ADGB: variants seen among roughly 807,000 people sequenced by gnomAD.
ADGB encodes the protein androglobin.
Under a neutral mutation model 210.5 loss-of-function variants are expected in ADGB, and 172 were observed. The ratio of observed to expected loss-of-function variants is 0.82; its 90% CI spans 0.72 to 0.93. The LOEUF (loss-of-function observed/expected upper bound fraction) is 0.93, where lower values mean the gene tolerates loss of function less well. Among genes scored for constraint, ADGB ranks in the 40% least tolerant of loss-of-function variants. The probability of loss-of-function intolerance (pLI) is 0.00; values close to 1 mark genes in which losing one functional copy is unlikely to be tolerated. For missense variants in ADGB, 2,025 were observed against 1,964.8 expected, an observed-to-expected ratio of 1.03 and a Z score of -0.58; for synonymous variants, 658 against 662.7, an observed-to-expected ratio of 0.99 and a Z score of 0.11.
At position 146,666,957 on chromosome 6, in the gene ADGB, C is replaced by T. The variant is rs1775944666; in HGVS notation, c.839+55C>T. ...TATTTTTTTTATCTTCCCAAGATTT[C>T]TTTAAAATATTCCTAGCCTTTAAGA... is the stretch of plus-strand genomic sequence containing the variant. On this transcript the variant is annotated intron_variant, in intron 7 of 35. Transcript: ENST00000397944. 5.9e-6 allele frequency: 8 copies of T among 1,346,360 alleles called. 1 individual carries two copies. The South Asian group carries it at 1.1e-4, about 18-fold the overall frequency. The allele number at this position is 1,346,360 out of a possible 1,614,324, so 83.4% of individuals were successfully genotyped here.
intron 9 of ADGB, among the ~76,000 whole-genome samples, chr6:146,685,139 T>C (rs1015028578): frequency 8.6e-5 from 13 of 152,038 alleles, no homozygotes; most frequent in African/African-American, 2.9e-4. Flanking sequence ...CAAAAAATAC[T>C]GAATAAAATA....
In ADGB at chr6:146,801,285, T is replaced by C; in HGVS notation, c.4634+6T>C. 6.9e-7 allele frequency: 1 copy of C among 1,449,790 alleles called. No homozygotes were observed. Among genetic ancestry groups the C allele is most frequent in the East Asian group, 2.7e-5 (1 of 36,476 alleles). 89.8% of individuals were successfully genotyped at this position (1,449,790 alleles called of 1,614,324 possible). On this transcript the variant is annotated splice_donor_region_variant and intron_variant, in intron 34 of 35. Coordinates refer to ENST00000397944, the MANE Select transcript of ADGB (RefSeq NM_024694.4). ...GATTTAAGTCAATATGTTCGGTAAGTTTTCATAAACATGATTGATGCAGAC... is the reference window on the plus strand; with the variant it reads ...GATTTAAGTCAATATGTTCGGTAAGCTTTCATAAACATGATTGATGCAGAC...
At chr6:146,631,071 G>A (rs914700237) in intron 1 of ADGB, among the ~76,000 whole-genome samples, 2 of 152,156 alleles carry the variant, frequency 1.3e-5, no homozygotes, top group African/African-American at 2.4e-5. Context: ...CAAGAGAATC[G>A]AAAGTTGAAA....
At position 146,692,928 on chromosome 6, in the gene ADGB, A is replaced by T. The variant is rs748633374; in HGVS notation, c.1577+13A>T. On this transcript the variant is annotated intron_variant, in intron 12 of 35. Coordinates refer to ENST00000397944, the MANE Select transcript of ADGB (RefSeq NM_024694.4). ...TTCCAACAGAAATGTAAGTATTAAC[A>T]TTCTTCCTCACAAATGTGTCTTGTT... 4.9e-5 allele frequency: 67 copies of T among 1,369,516 alleles called. 1 individual carries two copies. Among genetic ancestry groups the T allele is most frequent in the South Asian group, 4.5e-4 (35 of 77,050 alleles). 84.8% of individuals were successfully genotyped at this position (1,369,516 alleles called of 1,614,324 possible). A position where few individuals can be genotyped will look rare whatever the true frequency, so the allele number is the denominator to read the frequency against.
intron 20 of ADGB, among the ~76,000 whole-genome samples, chr6:146,732,071 A>G (rs1201113423): frequency 6.6e-6 from 1 of 152,172 alleles, no homozygotes; most frequent in Admixed American, 6.5e-5. Context: ...TGTCATTGCA[A>G]TCTACCAGGA....
At chr6:146,753,586 T>G (rs1481214007) in intron 27 of ADGB, among the ~76,000 whole-genome samples, 1 of 151,944 alleles carries the variant, frequency 6.6e-6, no homozygotes, top group African/African-American at 2.4e-5. Context: ...TTATGAAACT[T>G]GAGAAAGTTC....
rs75604119 is a variant in ADGB, at chr6:146,770,355, A to G, written c.3862+1224A>G. The G allele has an allele frequency of 3.6e-3, 800 of 220,176 alleles. 2 individuals carry two copies. Among genetic ancestry groups the G allele is most frequent in the African/African-American group, 0.017 (747 of 43,428 alleles). 13.6% of individuals were successfully genotyped at this position (220,176 alleles called of 1,614,324 possible). ...ATTCTAGTATGTGTCTTAAAATTCA[A>G]AGAAAAGCTATAAAAATGTATGACA... On this transcript the variant is annotated intron_variant, in intron 29 of 35. Transcript: ENST00000397944.
At chr6:146,706,882 G>GTT (rs1776580587) in intron 13 of ADGB, among the ~76,000 whole-genome samples, 1 of 85,670 alleles carries the variant, frequency 1.2e-5, no homozygotes, top group African/African-American at 5.9e-5. Context: ...GTTTATTTCT[G>GTT]TTCTGAGATT....
chr6:146,671,972 G>T (rs539724941), intron 7 of ADGB, among the ~76,000 whole-genome samples: 5 of 152,068 alleles, frequency 3.3e-5, no homozygotes, highest in Non-Finnish European at 7.4e-5. Flanking sequence ...CTACCAGGGC[G>T]AGTGATCTCT....
At chr6:146,621,476 C>T (rs73588053) in intron 1 of ADGB, among the ~76,000 whole-genome samples, 1,992 of 152,204 alleles carry the variant, frequency 0.013, 42 homozygotes, top group African/African-American at 0.044. Flanking sequence ...TGACCGTCCA[C>T]CTCTCATTTC....
chr6:146,812,086 T>A (rs1778311559), intron 35 of ADGB, among the ~76,000 whole-genome samples: 2 of 152,254 alleles, frequency 1.3e-5, no homozygotes, highest in African/African-American at 4.8e-5. Context: ...TATGTTACAT[T>A]TTTCTTCTGA....
At chr6:146,655,594 T>C (rs983907003) in intron 4 of ADGB, among the ~76,000 whole-genome samples, 2 of 152,188 alleles carry the variant, frequency 1.3e-5, no homozygotes, top group Non-Finnish European at 2.9e-5. Flanking sequence ...TTATCTTCAA[T>C]ATCTTGACCC....
At chr6:146,795,334 C>A (rs1167284401) in intron 33 of ADGB, among the ~76,000 whole-genome samples, 1 of 152,068 alleles carries the variant, frequency 6.6e-6, no homozygotes, top group Non-Finnish European at 1.5e-5. Flanking sequence ...AGAGCTTCTG[C>A]ACAGTAAAGG....
At chr6:146,607,130 A>G (rs1780642123) in intron 1 of ADGB, among the ~76,000 whole-genome samples, 1 of 152,088 alleles carries the variant, frequency 6.6e-6, no homozygotes, top group East Asian at 1.9e-4. Flanking sequence ...GGTTAGCTAT[A>G]TACTTAGGTA....
chr6:146,736,970 G>A (rs897689989), intron 23 of ADGB, among the ~76,000 whole-genome samples: 3 of 151,576 alleles, frequency 2.0e-5, no homozygotes, highest in East Asian at 1.9e-4. Flanking sequence ...GAGGTAGATC[G>A]AACCTTAAAA....
chr6:146,810,394 A>C (rs1778286546), intron 35 of ADGB, among the ~76,000 whole-genome samples: 3 of 152,268 alleles, frequency 2.0e-5, no homozygotes, highest in African/African-American at 7.2e-5. Flanking sequence ...ACAGTATGAA[A>C]GTTTCTCAAA....
chr6:146,650,139 A>T (rs977315867), intron 3 of ADGB, among the ~76,000 whole-genome samples: 2 of 152,178 alleles, frequency 1.3e-5, no homozygotes, highest in Admixed American at 1.3e-4. Context: ...CTGATAGGTA[A>T]TCCTATAATA....
intron 2 of ADGB, among the ~76,000 whole-genome samples, chr6:146,640,375 A>G (rs1344040412): frequency 6.6e-6 from 1 of 152,024 alleles, no homozygotes; most frequent in Non-Finnish European, 1.5e-5. Context: ...TCTTCTAAAA[A>G]GTTGAGAAGG....
rs758964970 is a variant in ADGB, at chr6:146,745,905, AT to A, written c.3178-14del. On this transcript the variant is annotated splice_polypyrimidine_tract_variant and intron_variant, in intron 25 of 35. Transcript: ENST00000397944. The stretch of plus-strand genomic sequence containing the variant: ...TAACGACATAATTCATTTCTGTGTA[AT>A]TTGTCTTTCTTATAGAAGGGATACA... The A allele has an allele frequency of 4.6e-4, 702 of 1,524,360 alleles. 4 individuals are homozygous for A. The highest frequency in any genetic ancestry group is 9.4e-4 in the South Asian group (77 of 82,118). The allele number at this position is 1,524,360 out of a possible 1,614,324, so 94.4% of individuals were successfully genotyped here.
Sources: gnomAD v4.1 joint callset for allele counts (sites outside exome capture counted in the v4.1 genomes callset) on GRCh38, gnomAD v4.1.1 for gene constraint, MANE v1.5 for transcripts, NCBI Gene and HGNC (gene_info 2026-07-23, HGNC 2026-07-21) for gene names.